Variants in TRA2A observed in about 807,000 individuals in gnomAD.
The protein encoded by TRA2A is transformer 2 alpha homolog, also known as transformer-2 protein homolog alpha.
TRA2A carries 31 observed loss-of-function variants against 45.7 expected under a neutral mutation model. The observed-to-expected ratio is 0.68, with a 90% CI of 0.51 to 0.92. TRA2A has a LOEUF of 0.92. Among genes scored for constraint, TRA2A ranks in the 40% least tolerant of loss-of-function variants. TRA2A has a pLI of 0.00. For synonymous variants in TRA2A, 132 were observed against 126.2 expected, an observed-to-expected ratio of 1.05 and a Z score of -0.31; for missense variants, 304 against 367.5, an observed-to-expected ratio of 0.83 and a Z score of 1.41.
intron 1 of TRA2A, among the ~76,000 whole-genome samples, chr7:23,524,928 G>A (rs1374222900): frequency 6.6e-6 from 1 of 151,904 alleles, no homozygotes; most frequent in Non-Finnish European, 1.5e-5. Context: ...CTGACTCCTT[G>A]ATCTGCCCGC....
chr7:23,517,477 CAAAAAA>C (rs70954385), intron 2 of TRA2A, among the ~76,000 whole-genome samples: 151 of 13,934 alleles, frequency 0.011, 11 homozygotes, highest in South Asian at 0.028. Flanking sequence ...GACTACGTCT[CAAAAAA>C]AAAAAAAAAA....
At chr7:23,514,610 T>TC (rs1789774437) in intron 3 of TRA2A, among the ~76,000 whole-genome samples, 1 of 152,088 alleles carries the variant, frequency 6.6e-6, no homozygotes, top group Admixed American at 6.6e-5. Flanking sequence ...CTTTTTTTTT[T>TC]CTGAGACAGG....
chr7:23,506,100 A>G (rs745366463), intron 6 of TRA2A, 38 bp downstream of exon 6: 1 of 1,552,286 alleles, frequency 6.4e-7, no homozygotes, highest in Non-Finnish European at 8.8e-7. Context: ...CACTACTATC[A>G]TCTAATTTAG....
intron 3 of TRA2A, 46 bp downstream of exon 3, chr7:23,516,311 TAAACAC>T (rs1160779512): frequency 6.3e-7 from 1 of 1,597,262 alleles, no homozygotes; most frequent in East Asian, 2.2e-5. Flanking sequence ...ATGCCATGAC[TAAACAC>T]ATAAAAGAGA....
chr7:23,505,520 A>AAAAAAT lies in TRA2A; in HGVS notation c.*38_*39insATTTTT. 3.9e-6 allele frequency: 2 copies of AAAAAAT among 507,036 alleles called. No homozygotes were observed. Among genetic ancestry groups the AAAAAAT allele is most frequent in the Non-Finnish European group, 7.1e-6 (2 of 282,452 alleles). The allele number at this position is 507,036 out of a possible 1,614,324, so 31.4% of individuals were successfully genotyped here. ...AGAATTAAAAAAAAAAAAAAAAAAA[A>AAAAAAT]GAGGAAAAAAAATGTCCTTAATTGC... On this transcript the variant is annotated 3_prime_UTR_variant, in exon 8 of 8. Transcript: ENST00000297071.
chr7:23,524,557 T>C (rs1315986843), intron 1 of TRA2A, among the ~76,000 whole-genome samples: 1 of 152,220 alleles, frequency 6.6e-6, no homozygotes, highest in East Asian at 1.9e-4. Flanking sequence ...CCTCCTTTGT[T>C]GTCTGCCCTT....
intron 1 of TRA2A, chr7:23,522,083 A>G: frequency 7.4e-7 from 1 of 1,343,192 alleles, no homozygotes; most frequent in Non-Finnish European, 9.6e-7. Context: ...AAATTCATCT[A>G]CAACTTGATC....
chr7:23,507,237 T>A, intron 5 of TRA2A, 183 bp downstream of exon 5: 1 of 563,494 alleles, frequency 1.8e-6, no homozygotes, highest in Non-Finnish European at 3.1e-6. Context: ...GCAGCTGGGA[T>A]TACAGGCATG....
rs566250862 is a variant in TRA2A at position 23,528,097 on chromosome 7, T to C, written c.36+3692A>G. 2.5e-4 allele frequency among the ~76,000 whole-genome samples: 38 copies of C among 152,316 alleles called. No homozygotes were observed. The East Asian group carries it at 4.6e-3, about 19-fold the overall frequency. On this transcript the variant is annotated intron_variant, in intron 1 of 7. Transcript: ENST00000297071. ...CTTATGTAAGGTCAATTTGATGATATATGGAATTAAATTGCTAAAGACGCT... is the reference window on the plus strand; with the variant it reads ...CTTATGTAAGGTCAATTTGATGATACATGGAATTAAATTGCTAAAGACGCT...
At chr7:23,524,595 A>G (rs1232190343) in intron 1 of TRA2A, among the ~76,000 whole-genome samples, 1 of 152,118 alleles carries the variant, frequency 6.6e-6, no homozygotes, top group Non-Finnish European at 1.5e-5. Flanking sequence ...AGGAAATCTC[A>G]GTCTGCACAA....
chr7:23,522,152 C>G (rs1790162258), intron 1 of TRA2A: 1 of 1,178,110 alleles, frequency 8.5e-7, no homozygotes, highest in Non-Finnish European at 1.1e-6. Context: ...TTCATTCTTC[C>G]AGATTCTTTT....
intron 3 of TRA2A, among the ~76,000 whole-genome samples, chr7:23,513,823 A>C (rs571165665): frequency 6.6e-6 from 1 of 151,976 alleles, no homozygotes; most frequent in Non-Finnish European, 1.5e-5. Context: ...TCACATTCTG[A>C]TTTGTCTTGA....
chr7:23,520,310 T>A (rs935652988), intron 2 of TRA2A, among the ~76,000 whole-genome samples: 10 of 152,176 alleles, frequency 6.6e-5, no homozygotes, highest in Admixed American at 4.6e-4. Context: ...AGTAAGGGAA[T>A]AATGGATATG....
chr7:23,524,617 G>GA (rs1310028286), intron 1 of TRA2A, among the ~76,000 whole-genome samples: 3 of 151,944 alleles, frequency 2.0e-5, no homozygotes, highest in Admixed American at 1.3e-4. Flanking sequence ...TTTCTTCATG[G>GA]AAACATCTAA....
Position 23,516,419 on chromosome 7 carries a change from G to A in TRA2A, c.280C>T (p.Arg94Ter), listed in dbSNP as rs1472748616. The A allele has an allele frequency of 5.0e-6, 8 of 1,614,078 alleles. No homozygotes were observed. Among genetic ancestry groups the A allele is most frequent in the African/African-American group, 1.3e-5 (1 of 74,930 alleles). Residue 94 changes from arginine (R) to a stop codon, truncating the protein, a stop_gained, in exon 3 of 8, where the codon CGA becomes TGA. Coordinates refer to ENST00000297071, the MANE Select transcript of TRA2A (RefSeq NM_013293.5). LOFTEE classifies it high-confidence loss of function. ...SRSYTPEYRRRRSRSHSPMSN... is the reference protein window; with the variant it reads ...SRSYTPEYRR Reference sequence around the variant, plus strand: ...ATTGGAGAATGGCTTCGGCTCCTTCGCCGCCGGTATTCTGGTGTATATGAT... The same window carrying A: ...ATTGGAGAATGGCTTCGGCTCCTTCACCGCCGGTATTCTGGTGTATATGAT...
rs918538393 is a variant in TRA2A, at chr7:23,505,228, T to G, written c.*331A>C. 2 of 264,042 alleles carry G rather than the reference T, an allele frequency of 7.6e-6. No individual in the cohort carries two copies. The highest frequency in any genetic ancestry group is 1.4e-5 in the Non-Finnish European group (2 of 142,908). The allele number at this position is 264,042 out of a possible 1,614,324, so 16.4% of individuals were successfully genotyped here. A position where few individuals can be genotyped will look rare whatever the true frequency, so the allele number is the denominator to read the frequency against. On this transcript the variant is annotated 3_prime_UTR_variant, in exon 8 of 8. Coordinates refer to ENST00000297071, the MANE Select transcript of TRA2A (RefSeq NM_013293.5). ...ATACAGTATCTAACACAAAAGAAGC[T>G]TTAAAAAGACAGTTTCTTTCCTTAT... is the stretch of plus-strand genomic sequence containing the variant.
At chr7:23,525,125 A>T (rs1790288480) in intron 1 of TRA2A, among the ~76,000 whole-genome samples, 1 of 152,244 alleles carries the variant, frequency 6.6e-6, no homozygotes, top group South Asian at 2.1e-4. Flanking sequence ...AGCTGTTACC[A>T]AATAAATGTC....
At chr7:23,515,223 CTTTTTTTTTT>C (rs767953060) in intron 3 of TRA2A, among the ~76,000 whole-genome samples, 32 of 96,784 alleles carry the variant, frequency 3.3e-4, no homozygotes, top group African/African-American at 1.2e-3. Flanking sequence ...GAACATATTT[CTTTTTTTTTT>C]TTTTTTTTTT....
At chr7:23,531,231 G>A (rs968780445) in intron 1 of TRA2A, 1 of 987,082 alleles carries the variant, frequency 1.0e-6, no homozygotes, top group Non-Finnish European at 1.2e-6. Context: ...CGCCTTTTTA[G>A]ACGCAACGCC....
Sources: gnomAD v4.1 joint callset for allele counts (sites outside exome capture counted in the v4.1 genomes callset) on GRCh38, gnomAD v4.1.1 for gene constraint, MANE v1.5 for transcripts, NCBI Gene and HGNC (gene_info 2026-07-23, HGNC 2026-07-21) for gene names.